IL20RB: variants seen among roughly 807,000 people sequenced by gnomAD.
IL20RB encodes interleukin 20 receptor subunit beta, also known as interleukin-20 receptor subunit beta.
In IL20RB, 21 loss-of-function variants were observed where a neutral mutation model predicts 33.3. The observed-to-expected ratio is 0.63, with a 90% confidence interval of 0.45 to 0.91. The LOEUF (loss-of-function observed/expected upper bound fraction) is 0.91, where lower values mean the gene tolerates loss of function less well. Ranked by LOEUF, IL20RB falls within the 40% of genes least tolerant of loss-of-function variation. The pLI is 0.00. For synonymous variants in IL20RB, 147 were observed against 146.8 expected (o/e 1.00, Z -0.01); for missense variants, 345 against 384.8 (o/e 0.90, Z 0.86).
chr3:136,982,169 G>A lies in IL20RB; in HGVS notation c.225G>A (p.Glu75=). 2 of 1,576,588 alleles carry A rather than the reference G, an allele frequency of 1.3e-6. No individual in the cohort carries two copies. The highest frequency in any genetic ancestry group is 1.7e-6 in the Non-Finnish European group (2 of 1,152,022). The part of the protein sequence containing the change: ...YYSVEYQGEY[E]SLYTSHIWIP... ...CTCCTCTCTTTGACAGGGAGTACGA[G>A]AGCCTGTACACGAGCCACATCTGGA... The change falls in exon 3 of 7, where the codon GAG becomes GAA. Residue 75 remains glutamate (E), a synonymous_variant. Transcript: ENST00000329582.
rs535044415 is a variant in IL20RB, at chr3:136,975,258, T to TTCCATAGGGGAGGATGTTTTCCTG, written c.89-5207_89-5184dup. Among the ~76,000 whole-genome samples the TTCCATAGGGGAGGATGTTTTCCTG allele has an allele frequency of 3.2e-4, 49 of 152,324 alleles. No individual in the cohort carries two copies. In the South Asian group the frequency reaches 5.8e-3, roughly 18 times the overall value. ...TTCTTCTTCCCATTTTTGAATTTAC[T>TTCCATAGGGGAGGATGTTTTCCTG]TCCATAGGGGAGGATGTTTTCCTGA... is the stretch of plus-strand genomic sequence containing the variant. On this transcript the variant is annotated intron_variant, in intron 1 of 6. Coordinates refer to ENST00000329582, the MANE Select transcript of IL20RB (RefSeq NM_144717.4).
chr3:137,005,569 C>G (rs1190270859), intron 6 of IL20RB, among the ~76,000 whole-genome samples: 2 of 152,134 alleles, frequency 1.3e-5, no homozygotes, highest in Non-Finnish European at 2.9e-5. Flanking sequence ...TCTGTTTTAT[C>G]AGAGACTAGG....
In IL20RB at chr3:136,962,892, G is replaced by C. The variant is rs1397357371; in HGVS notation, c.88+4691G>C. Among the ~76,000 whole-genome samples the C allele has an allele frequency of 2.0e-5, 3 of 149,878 alleles. No individual in the cohort carries two copies. The South Asian group carries it at 6.4e-4, about 32-fold the overall frequency. ...AAAAAAAAAAAAAAAAAAAGCATTA[G>C]GGGAAAAACTGATGAAATCTGATTA... On this transcript the variant is annotated intron_variant, in intron 1 of 6. Coordinates refer to ENST00000329582, the MANE Select transcript of IL20RB (RefSeq NM_144717.4).
chr3:136,996,218 A>G (rs755417401), intron 6 of IL20RB, among the ~76,000 whole-genome samples: 2 of 152,052 alleles, frequency 1.3e-5, no homozygotes, highest in Non-Finnish European at 2.9e-5. Context: ...CACCCATGCA[A>G]TCGTAGGGGA....
intron 1 of IL20RB, among the ~76,000 whole-genome samples, chr3:136,976,061 C>T (rs1053606915): frequency 6.6e-6 from 1 of 152,182 alleles, no homozygotes; most frequent in African/African-American, 2.4e-5. Context: ...GGACAGTCTC[C>T]AGGACTGCAG....
chr3:136,963,677 C>CTT lies in IL20RB; in HGVS notation c.88+5490_88+5491dup, dbSNP rs1246638077. 6.2e-3 allele frequency among the ~76,000 whole-genome samples: 475 copies of CTT among 77,186 alleles called. 1 individual carries two copies. The highest frequency in any genetic ancestry group is 0.042 in the East Asian group (46 of 1,088). The allele number at this position is 77,186 out of a possible 152,430, so 50.6% of individuals were successfully genotyped here. On this transcript the variant is annotated intron_variant, in intron 1 of 6. Coordinates refer to ENST00000329582, the MANE Select transcript of IL20RB (RefSeq NM_144717.4). ...TTTTTATGTGTTCTAGATACTAGTT[C>CTT]TTTTTTTTTTTTTTTATTTTTTTTT... is the stretch of plus-strand genomic sequence containing the variant.
At chr3:136,970,278 A>G (rs1941439301) in intron 1 of IL20RB, among the ~76,000 whole-genome samples, 1 of 151,906 alleles carries the variant, frequency 6.6e-6, no homozygotes, top group South Asian at 2.1e-4. Flanking sequence ...ATTTTTTTAT[A>G]GAGATAGCGT....
intron 1 of IL20RB, 111 bp downstream of exon 1, chr3:136,958,312 T>C (rs1941098561): frequency 1.6e-6 from 1 of 628,948 alleles, no homozygotes. Context: ...GAATATCGTA[T>C]ATCTGTTTTA....
At chr3:136,996,329 T>C (rs1942126796) in intron 6 of IL20RB, among the ~76,000 whole-genome samples, 1 of 151,754 alleles carries the variant, frequency 6.6e-6, no homozygotes, top group African/African-American at 2.4e-5. Context: ...AGCAGTGCAA[T>C]AAAACAAAAC....
At chr3:136,969,278 G>C (rs1269567329) in intron 1 of IL20RB, 10 of 120,758 alleles carry the variant, frequency 8.3e-5, no homozygotes, top group African/African-American at 4.3e-4. Flanking sequence ...GGGCAATGGC[G>C]GGCGCCCCTT....
chr3:136,976,750 T>C (rs969909536), intron 1 of IL20RB, among the ~76,000 whole-genome samples: 1 of 152,226 alleles, frequency 6.6e-6, no homozygotes, highest in African/African-American at 2.4e-5. Context: ...CAGGATAGCA[T>C]GTGCATCTGC....
chr3:137,000,789 T>A (rs1381249624), intron 6 of IL20RB, among the ~76,000 whole-genome samples: 3 of 152,240 alleles, frequency 2.0e-5, no homozygotes, highest in African/African-American at 7.2e-5. Flanking sequence ...CTCCATCAGA[T>A]GGTCTTCTGT....
chr3:137,001,369 C>T (rs1202316877), intron 6 of IL20RB, among the ~76,000 whole-genome samples: 2 of 152,218 alleles, frequency 1.3e-5, no homozygotes, highest in Non-Finnish European at 2.9e-5. Context: ...TGCATTTCCC[C>T]ACAGTGCTGT....
At chr3:136,996,807 C>T (rs538342075) in intron 6 of IL20RB, among the ~76,000 whole-genome samples, 38 of 152,254 alleles carry the variant, frequency 2.5e-4, no homozygotes, top group African/African-American at 8.2e-4. Context: ...CTCTGAATCA[C>T]GAATGGCTTA....
rs113391841 is a variant in IL20RB at position 136,971,531 on chromosome 3, G to A, written c.89-8935G>A. ...CCCAGTTTCTGTTATCTGTCTTTTC[G>A]CTCTCTACCTCTGTATGATAAAATC... On this transcript the variant is annotated intron_variant, in intron 1 of 6. Transcript: ENST00000329582. 4.5e-3 allele frequency among the ~76,000 whole-genome samples: 687 copies of A among 152,200 alleles called. 8 individuals carry two copies. The highest frequency in any genetic ancestry group is 0.016 in the African/African-American group (656 of 41,520).
At chr3:137,003,056 G>T (rs1192032630) in intron 6 of IL20RB, among the ~76,000 whole-genome samples, 1 of 152,032 alleles carries the variant, frequency 6.6e-6, no homozygotes, top group Non-Finnish European at 1.5e-5. Context: ...TTTTTGTCAG[G>T]TTCATCAAAG....
chr3:136,989,367 AC>A, intron 3 of IL20RB, 73 bp from the exon 4 acceptor site: 1 of 1,563,578 alleles, frequency 6.4e-7, no homozygotes, highest in Non-Finnish European at 8.8e-7. Context: ...TCCATACATG[AC>A]CCGGTCATTG....
rs1941648113 is a variant in IL20RB at position 136,977,482 on chromosome 3, A to T, written c.89-2984A>T. Among the ~76,000 whole-genome samples the T allele has an allele frequency of 2.6e-5, 4 of 152,096 alleles. No individual in the cohort carries two copies. In the South Asian group the frequency reaches 8.3e-4, roughly 32 times the overall value. Reference sequence around the variant, plus strand: ...CAGATTTACACCTATTTTTTTAGTGATTATAATTTTAATTTCTGTGTATGT... The same window carrying T: ...CAGATTTACACCTATTTTTTTAGTGTTTATAATTTTAATTTCTGTGTATGT... On this transcript the variant is annotated intron_variant, in intron 1 of 6. Coordinates refer to ENST00000329582, the MANE Select transcript of IL20RB (RefSeq NM_144717.4).
chr3:136,982,675 C>T (rs1560070828), intron 3 of IL20RB, among the ~76,000 whole-genome samples: 1 of 130,868 alleles, frequency 7.6e-6, no homozygotes, highest in African/African-American at 2.9e-5. Context: ...GCTCCCTACT[C>T]TGATTGTGCC....
Sources: gnomAD v4.1 joint callset for allele counts (sites outside exome capture counted in the v4.1 genomes callset) on GRCh38, gnomAD v4.1.1 for gene constraint, MANE v1.5 for transcripts, NCBI Gene and HGNC (gene_info 2026-07-23, HGNC 2026-07-21) for gene names.